The following IQGAP3 variants were observed in gnomAD, a reference collection of about 807,000 sequenced individuals.
IQGAP3 encodes the protein ras GTPase-activating-like protein IQGAP3.
A neutral mutation model predicts 208.2 loss-of-function variants in IQGAP3; 165 were observed. That is an observed-to-expected ratio of 0.79 (90% CI 0.70 to 0.90). The LOEUF (loss-of-function observed/expected upper bound fraction) is 0.90. Among genes scored for constraint, IQGAP3 ranks in the 40% least tolerant of loss-of-function variants. The probability of loss-of-function intolerance (pLI) is 0.00; values close to 1 mark genes in which losing one functional copy is unlikely to be tolerated. For synonymous variants in IQGAP3, 703 were observed against 803.6 expected, an observed-to-expected ratio of 0.87 and a Z score of 2.12; for missense variants, 1,811 against 2,043.1, an observed-to-expected ratio of 0.89 and a Z score of 2.19.
At position 156,531,081 on chromosome 1, in the gene IQGAP3, G is replaced by C. The variant is rs1333444376; in HGVS notation, c.4191+79C>G. The C allele has an allele frequency of 1.1e-4, 106 of 1,000,178 alleles. 1 individual carries two copies. In the East Asian group the frequency reaches 2.5e-3, roughly 24 times the overall value. The allele number at this position is 1,000,178 out of a possible 1,614,324, so 62.0% of individuals were successfully genotyped here. The stretch of plus-strand genomic sequence containing the variant: ...TGGCTGATGTGGGTGAGGTTCAGAG[G>C]AGGGAAACAGCAGCGGTGCAGGTGG... On this transcript the variant is annotated intron_variant, in intron 33 of 37. Coordinates refer to ENST00000361170, the MANE Select transcript of IQGAP3 (RefSeq NM_178229.5).
chr1:156,564,792 G>T (rs1406959131), intron 4 of IQGAP3, 101 bp from the exon 5 acceptor site: 1 of 818,790 alleles, frequency 1.2e-6, no homozygotes, highest in East Asian at 2.5e-5. Flanking sequence ...CCAACCTGAG[G>T]TGTGTGTTCC....
Position 156,551,876 on chromosome 1 carries a change from A to C in IQGAP3, c.1571-8T>G. ...GGCTGACTGCAAGGACCCCTAAGAA[A>C]GAGAGATCTAGGTGGGCAGGGGGCC... On this transcript the variant is annotated splice_polypyrimidine_tract_variant and splice_region_variant and intron_variant, in intron 14 of 37. Transcript: ENST00000361170. The C allele has an allele frequency of 6.2e-7, 1 of 1,601,404 alleles. No homozygotes were observed. Among genetic ancestry groups the C allele is most frequent in the Non-Finnish European group, 8.5e-7 (1 of 1,172,024 alleles).
chr1:156,531,208 A>G lies in IQGAP3; in HGVS notation c.4143T>C (p.Pro1381=). 1 of 1,613,988 alleles carries G rather than the reference A, an allele frequency of 6.2e-7. No homozygotes were observed. Among genetic ancestry groups the G allele is most frequent in the Non-Finnish European group, 8.5e-7 (1 of 1,179,928 alleles). Residue 1381 remains proline (P), a synonymous_variant, in exon 33 of 38, where the codon CCT becomes CCC. Transcript: ENST00000361170. ...QLLADIIQFH[P]GDTLKEILSL... The stretch of plus-strand genomic sequence containing the variant: ...ACAGGATCTCCTTGAGGGTGTCCCC[A>G]GGATGGAACTGTATGATATCGGCCA...
In IQGAP3 at chr1:156,566,575, A is replaced by G. The variant is rs1459107933; in HGVS notation, c.126-29T>C. The G allele has an allele frequency of 6.8e-6, 11 of 1,608,128 alleles. No homozygotes were observed. The Admixed American group carries it at 1.3e-4, about 20-fold the overall frequency. On this transcript the variant is annotated intron_variant, in intron 2 of 37. Transcript: ENST00000361170. ...TGAACATGAGAACACCTTCTCACGC[A>G]CTCTGGCAGACCACAGTGATTTATT... is the stretch of plus-strand genomic sequence containing the variant.
At chr1:156,536,614 C>T (rs1389405325) in intron 27 of IQGAP3, among the ~76,000 whole-genome samples, 2 of 152,114 alleles carry the variant, frequency 1.3e-5, no homozygotes, top group Non-Finnish European at 2.9e-5. Context: ...CTCAAAATAG[C>T]TAGAAGGATT....
chr1:156,527,914 A>G, intron 37 of IQGAP3, 38 bp downstream of exon 37: 3 of 1,429,110 alleles, frequency 2.1e-6, no homozygotes, highest in South Asian at 2.3e-5. Context: ...CCTAAAGCCC[A>G]GCAGATGTCC....
At chr1:156,568,129 A>T (rs574581372) in intron 2 of IQGAP3, among the ~76,000 whole-genome samples, 2 of 152,324 alleles carry the variant, frequency 1.3e-5, no homozygotes, top group East Asian at 3.9e-4. Context: ...AGATATATGT[A>T]TTGCAGTATA....
rs1041258188 is a variant in IQGAP3 at position 156,562,333 on chromosome 1, C to CG, written c.877+253_877+254insC. On this transcript the variant is annotated intron_variant, in intron 9 of 37. Transcript: ENST00000361170. ...GAAGGACCCCAGTCCAACTGCCCCC[C>CG]CGGCATCAAGAGCTGCTCCTCTCTA... is the stretch of plus-strand genomic sequence containing the variant. 9.6e-4 allele frequency among the ~76,000 whole-genome samples: 146 copies of CG among 152,104 alleles called. 1 individual carries two copies. The highest frequency in any genetic ancestry group is 1.6e-4 in the Non-Finnish European group (11 of 68,018).
At chr1:156,539,633 G>A (rs1202398932) in intron 24 of IQGAP3, 96 bp from the exon 25 acceptor site, 8 of 1,373,866 alleles carry the variant, frequency 5.8e-6, no homozygotes, top group Non-Finnish European at 8.2e-6. Context: ...AATCTGGAAT[G>A]GAGAAAGCAC....
rs571168018 is a variant in IQGAP3, at chr1:156,560,883, T to C, written c.1129+51A>G. ...CCAGCAAAGAGGTGGGATACTCTTC[T>C]AAGAGTCAGAGATACGCACAGAGCA... On this transcript the variant is annotated intron_variant, in intron 11 of 37. Coordinates refer to ENST00000361170, the MANE Select transcript of IQGAP3 (RefSeq NM_178229.5). 1.7e-5 allele frequency: 22 copies of C among 1,278,716 alleles called. No individual in the cohort carries two copies. In the Admixed American group the frequency reaches 2.9e-4, roughly 17 times the overall value. The allele number at this position is 1,278,716 out of a possible 1,614,324, so 79.2% of individuals were successfully genotyped here.
intron 28 of IQGAP3, 106 bp from the exon 29 acceptor site, chr1:156,534,839 C>A (rs1300486087): frequency 3.5e-6 from 3 of 851,262 alleles, no homozygotes; most frequent in Non-Finnish European, 1.8e-6. Context: ...GGCCAACCCC[C>A]TCACTTCAAA....
chr1:156,560,200 A>T (rs1292341038), intron 11 of IQGAP3, among the ~76,000 whole-genome samples: 1 of 152,094 alleles, frequency 6.6e-6, no homozygotes, highest in Admixed American at 6.6e-5. Context: ...TTACTAACTC[A>T]CATTCTTGTA....
rs147540092 is a variant in IQGAP3 at position 156,571,927 on chromosome 1, A to G, written c.37+566T>C. ...TGGCCCAGGGACTACCTTCCTCACAATCACCTGGGGTGAGGGAAGAAGCAC... is the reference window on the plus strand; with the variant it reads ...TGGCCCAGGGACTACCTTCCTCACAGTCACCTGGGGTGAGGGAAGAAGCAC... On this transcript the variant is annotated intron_variant, in intron 1 of 37. Transcript: ENST00000361170. 1.2e-3 allele frequency among the ~76,000 whole-genome samples: 190 copies of G among 152,322 alleles called. 5 individuals are homozygous for G. The East Asian group carries it at 0.034, about 27-fold the overall frequency.
intron 27 of IQGAP3, 161 bp downstream of exon 27, chr1:156,537,020 G>C: frequency 1.5e-6 from 1 of 685,624 alleles, no homozygotes; most frequent in Non-Finnish European, 2.3e-6. Flanking sequence ...CAGGAGCTTC[G>C]AGCATTCCCC....
At position 156,528,904 on chromosome 1, in the gene IQGAP3, A is replaced by C; in HGVS notation, c.4571+12T>G. The C allele has an allele frequency of 6.2e-7, 1 of 1,614,090 alleles. No individual in the cohort carries two copies. The highest frequency in any genetic ancestry group is 8.5e-7 in the Non-Finnish European group (1 of 1,179,948). Reference sequence around the variant, plus strand: ...ACTCGTAACCTTCCAAGTACGGGAAAGCAGCACCTACTTGGAGTCGGGGGC... The same window carrying C: ...ACTCGTAACCTTCCAAGTACGGGAACGCAGCACCTACTTGGAGTCGGGGGC... On this transcript the variant is annotated intron_variant, in intron 35 of 37. Transcript: ENST00000361170.
intron 19 of IQGAP3, among the ~76,000 whole-genome samples, chr1:156,545,603 G>A (rs912794726): frequency 2.2e-4 from 33 of 151,600 alleles, no homozygotes; most frequent in African/African-American, 7.5e-4. Flanking sequence ...GGGCTCAAGT[G>A]ATCCTCCTGC....
chr1:156,548,899 CACAT>C (rs1184594397), intron 16 of IQGAP3, 151 bp from the exon 17 acceptor site: 44 of 722,592 alleles, frequency 6.1e-5, no homozygotes. Flanking sequence ...TGGACAGAGA[CACAT>C]GCATGAAAAG....
Position 156,551,802 on chromosome 1 carries a change from G to A in IQGAP3, c.1637C>T (p.Ala546Val), listed in dbSNP as rs777288475. ...DKGSPEKTLS[A>V]LLLPAAGLDD... ...TAGGCCAGCTGCAGGAAGCAGTAGGGCAGACAGAGTCTTCTCAGGGCTGCC... is the reference window on the plus strand; with the variant it reads ...TAGGCCAGCTGCAGGAAGCAGTAGGACAGACAGAGTCTTCTCAGGGCTGCC... The change falls in exon 15 of 38, where the codon GCC becomes GTC. Residue 546 changes from alanine to valine, a missense_variant. By Grantham distance (64) the Ala-to-Val change is moderately conservative (BLOSUM62 0). Coordinates refer to ENST00000361170, the MANE Select transcript of IQGAP3 (RefSeq NM_178229.5). 1.2e-6 allele frequency: 2 copies of A among 1,614,010 alleles called. No individual in the cohort carries two copies. Among genetic ancestry groups the A allele is most frequent in the Admixed American group, 1.7e-5 (1 of 59,990 alleles).
intron 1 of IQGAP3, 64 bp from the exon 2 acceptor site, chr1:156,569,527 T>C (rs1676549019): frequency 2.0e-6 from 1 of 504,108 alleles, no homozygotes; most frequent in Non-Finnish European, 3.1e-6. Context: ...CACTGAAGGG[T>C]CTTTTTTTTT....
Sources: gnomAD v4.1 joint callset for allele counts (sites outside exome capture counted in the v4.1 genomes callset) on GRCh38, gnomAD v4.1.1 for gene constraint, MANE v1.5 for transcripts, NCBI Gene and HGNC (gene_info 2026-07-23, HGNC 2026-07-21) for gene names.